RGS17: variants seen among roughly 807,000 people sequenced by gnomAD.
RGS17 encodes regulator of G-protein signaling 17.
A neutral mutation model predicts 25.5 loss-of-function variants in RGS17; 12 were observed. The ratio of observed to expected loss-of-function variants is 0.47; its 90% CI spans 0.30 to 0.76. The LOEUF is 0.76. Among genes scored for constraint, RGS17 ranks in the 30% least tolerant of loss-of-function variants. RGS17 has a pLI of 0.07. For synonymous variants in RGS17, 71 were observed against 76.9 expected (o/e 0.92, Z 0.40); for missense variants, 196 against 242.2 (o/e 0.81, Z 1.27).
At chr6:153,031,148 T>C (rs1779358453) in intron 2 of RGS17, among the ~76,000 whole-genome samples, 1 of 152,190 alleles carries the variant, frequency 6.6e-6, no homozygotes, top group African/African-American at 2.4e-5. Context: ...AAGTATGTGT[T>C]ATCCAAGAAA....
chr6:153,034,532 T>A (rs890918754), intron 2 of RGS17, among the ~76,000 whole-genome samples: 1 of 152,142 alleles, frequency 6.6e-6, no homozygotes, highest in East Asian at 1.9e-4. Context: ...CAATAAAGGA[T>A]TACGCAGGGA....
At chr6:153,040,764 A>T (rs185873476) in intron 2 of RGS17, among the ~76,000 whole-genome samples, 7 of 152,146 alleles carry the variant, frequency 4.6e-5, no homozygotes, top group Non-Finnish European at 7.4e-5. Context: ...ATAATATTTT[A>T]AAAACATATG....
intron 2 of RGS17, among the ~76,000 whole-genome samples, chr6:153,035,507 G>A (rs1216275105): frequency 6.6e-6 from 1 of 152,128 alleles, no homozygotes; most frequent in Non-Finnish European, 1.5e-5. Flanking sequence ...AAGAAATAAT[G>A]AAGACTTTTA....
chr6:153,108,640 GT>G (rs1777420350), intron 1 of RGS17, among the ~76,000 whole-genome samples: 1 of 144,504 alleles, frequency 6.9e-6, no homozygotes, highest in African/African-American at 2.5e-5. Context: ...TAATACATTT[GT>G]AGTAGTACAA....
intron 1 of RGS17, among the ~76,000 whole-genome samples, chr6:153,092,212 A>G (rs530843769): frequency 6.6e-6 from 1 of 152,364 alleles, no homozygotes; most frequent in Admixed American, 6.5e-5. Flanking sequence ...TTCAAATTTT[A>G]CGGGGCATAG....
At chr6:153,127,325 T>C (rs1335345672) in intron 1 of RGS17, among the ~76,000 whole-genome samples, 2 of 152,208 alleles carry the variant, frequency 1.3e-5, no homozygotes, top group East Asian at 1.9e-4. Context: ...AAAACAATGG[T>C]ACGTTTATAT....
At position 153,008,575 on chromosome 6, in the gene RGS17, G is replaced by A. The variant is rs1330839219; in HGVS notation, c.*2999C>T. 1.3e-5 allele frequency: 2 copies of A among 152,138 alleles called. No individual in the cohort carries two copies. Among genetic ancestry groups the A allele is most frequent in the Admixed American group, 1.3e-4 (2 of 15,274 alleles). The allele number at this position is 152,138 out of a possible 1,614,324, so 9.4% of individuals were successfully genotyped here. A position where few individuals can be genotyped will look rare whatever the true frequency, so the allele number is the denominator to read the frequency against. ...CAATTTATTTATATATACATAATCT[G>A]TATCCTCTACTTTCTTTTATAGATA... On this transcript the variant is annotated 3_prime_UTR_variant, in exon 5 of 5. Transcript: ENST00000206262.
intron 1 of RGS17, among the ~76,000 whole-genome samples, chr6:153,121,492 A>G (rs1777630567): frequency 6.6e-6 from 1 of 152,206 alleles, no homozygotes; most frequent in Non-Finnish European, 1.5e-5. Flanking sequence ...TAAGCCATAA[A>G]TCCACATTCT....
At chr6:153,085,364 A>C (rs1777038248) in intron 1 of RGS17, among the ~76,000 whole-genome samples, 1 of 152,196 alleles carries the variant, frequency 6.6e-6, no homozygotes, top group Non-Finnish European at 1.5e-5. Context: ...AAAGCACTTA[A>C]GTGAATTCCA....
chr6:153,083,399 G>T (rs934619030), intron 1 of RGS17, among the ~76,000 whole-genome samples: 3 of 152,154 alleles, frequency 2.0e-5, no homozygotes, highest in Non-Finnish European at 4.4e-5. Context: ...GAAAAAAGCC[G>T]AAACAAACCA....
intron 1 of RGS17, among the ~76,000 whole-genome samples, chr6:153,128,435 T>C (rs949413645): frequency 6.6e-6 from 1 of 152,204 alleles, no homozygotes; most frequent in Non-Finnish European, 1.5e-5. Context: ...TACCTCATCA[T>C]CCATGCCTAC....
chr6:153,040,339 G>T (rs549553428), intron 2 of RGS17, among the ~76,000 whole-genome samples: 11 of 152,248 alleles, frequency 7.2e-5, no homozygotes, highest in African/African-American at 2.6e-4. Context: ...AAATGTGGTG[G>T]TAATGTTATA....
At chr6:153,054,639 T>C (rs1776528483) in intron 1 of RGS17, among the ~76,000 whole-genome samples, 1 of 143,392 alleles carries the variant, frequency 7.0e-6, no homozygotes, top group Non-Finnish European at 1.5e-5. Context: ...CAACAGTGCA[T>C]GACTTCATCT....
At chr6:153,025,392 C>A (rs879598091) in intron 3 of RGS17, among the ~76,000 whole-genome samples, 1 of 151,638 alleles carries the variant, frequency 6.6e-6, no homozygotes, top group African/African-American at 2.4e-5. Context: ...TAATTGGAAG[C>A]AGAGTGCTTC....
At position 153,026,497 on chromosome 6, in the gene RGS17, T is replaced by C; in HGVS notation, c.166A>G (p.Thr56Ala). The change falls in exon 3 of 5, where the codon ACA becomes GCA. Residue 56 changes from threonine to alanine, a missense_variant. Transcript: ENST00000206262. ...ATACTCTCCATTTTTGTAGTGTGTG[T>C]GGGTCTTCCCGCATTTTCCCCTCTT... Reference protein sequence around the residue: ...EERGENAGRPTHTTKMESIQV... With the variant: ...EERGENAGRPAHTTKMESIQV... The C allele has an allele frequency of 1.2e-6, 2 of 1,613,678 alleles. No individual in the cohort carries two copies. Among genetic ancestry groups the C allele is most frequent in the Non-Finnish European group, 1.7e-6 (2 of 1,179,666 alleles).
chr6:153,034,616 G>C (rs1372041479), intron 2 of RGS17, among the ~76,000 whole-genome samples: 1 of 152,162 alleles, frequency 6.6e-6, no homozygotes, highest in African/African-American at 2.4e-5. Context: ...CTTGCCAAAG[G>C]TTTCATAGTT....
intron 1 of RGS17, among the ~76,000 whole-genome samples, chr6:153,047,626 TAAG>T (rs1010473135): frequency 3.3e-5 from 5 of 152,158 alleles, no homozygotes; most frequent in Non-Finnish European, 7.3e-5. Context: ...AGTGCCCTTA[TAAG>T]AAGAGGCCAG....
intron 1 of RGS17, among the ~76,000 whole-genome samples, chr6:153,087,271 G>T (rs575353177): frequency 3.3e-5 from 5 of 152,140 alleles, no homozygotes; most frequent in African/African-American, 7.2e-5. Flanking sequence ...GTGAGACTCC[G>T]TCTAAAACAA....
chr6:153,084,343 T>C (rs1210840033), intron 1 of RGS17, among the ~76,000 whole-genome samples: 1 of 152,208 alleles, frequency 6.6e-6, no homozygotes, highest in Non-Finnish European at 1.5e-5. Flanking sequence ...ATTTGTTTTC[T>C]ATTTTATTCT....
Sources: allele counts gnomAD v4.1 joint callset (sites outside exome capture counted in the v4.1 genomes callset), GRCh38; gene constraint gnomAD v4.1.1; transcripts MANE v1.5; gene names NCBI Gene and HGNC (gene_info 2026-07-23, HGNC 2026-07-21).